COL6A3: variants seen among roughly 807,000 people sequenced by gnomAD.
COL6A3 encodes the protein collagen alpha-3(VI) chain.
Under a neutral mutation model 274.1 loss-of-function variants are expected in COL6A3, and 137 were observed. The ratio of observed to expected loss-of-function variants is 0.50; its 90% CI spans 0.44 to 0.58. The LOEUF is 0.58. COL6A3 is among the 20% of genes least tolerant of loss of function. The pLI is 0.00. For missense variants in COL6A3, 3,950 were observed against 4,124.9 expected, an observed-to-expected ratio of 0.96 and a Z score of 1.16; for synonymous variants, 1,650 against 1,650.6, an observed-to-expected ratio of 1.00 and a Z score of 0.01.
Position 237,394,622 on chromosome 2 carries a change from C to A in COL6A3, c.674G>T (p.Arg225Met). 1.2e-6 allele frequency: 2 copies of A among 1,614,164 alleles called. No homozygotes were observed. The highest frequency in any genetic ancestry group is 2.2e-5 in the South Asian group (2 of 91,080). Residue 225 changes from arginine (R) to methionine (M), a missense_variant, in exon 3 of 44, where the codon AGG (arginine) becomes ATG (methionine). Physicochemically the swap from Arg to Met is moderately conservative, Grantham distance 91. Around this residue, in one of 5 missense-constraint regions of COL6A3, gnomAD observed 1,934 missense variants for 1,984.3 expected, o/e 0.97. Coordinates refer to ENST00000295550, the MANE Select transcript of COL6A3 (RefSeq NM_004369.4). The part of the protein sequence containing the change: ...SCVHSSVSPE[R>M]AGDTETLKDI... ...TTTAAGGGTTTCCGTGTCCCCAGCC[C>A]TTTCTGGACTCACGGATGAATGCAC...
chr2:237,396,383 T>G (rs920668332), intron 2 of COL6A3, among the ~76,000 whole-genome samples: 3 of 152,212 alleles, frequency 2.0e-5, no homozygotes, highest in Non-Finnish European at 2.9e-5. Flanking sequence ...CTACTTTATG[T>G]GCTCAGAGAC....
intron 1 of COL6A3, among the ~76,000 whole-genome samples, chr2:237,397,118 G>A (rs1323575484): frequency 6.6e-6 from 1 of 150,782 alleles, no homozygotes; most frequent in Non-Finnish European, 1.5e-5. Context: ...AGGAAGGAGG[G>A]AGGGAGGGAA....
chr2:237,413,291 T>C lies in COL6A3; in HGVS notation c.-31+662A>G, dbSNP rs2078901771. Among the ~76,000 whole-genome samples the C allele has an allele frequency of 6.6e-6, 1 of 152,152 alleles. No individual in the cohort carries two copies. Among genetic ancestry groups the C allele is most frequent in the Non-Finnish European group, 1.5e-5 (1 of 68,018 alleles). On this transcript the variant is annotated intron_variant, in intron 1 of 43. Coordinates refer to ENST00000295550, the MANE Select transcript of COL6A3 (RefSeq NM_004369.4). This position sits in a 1 kb window ranked among gnomAD's most constrained non-coding sequence, Gnocchi z 4.0. Reference sequence around the variant, plus strand: ...CTTCTTCTCCTCTGACCCCTGCAACTCCTTTAAGCAACCCCAAGGGACAAA... The same window carrying C: ...CTTCTTCTCCTCTGACCCCTGCAACCCCTTTAAGCAACCCCAAGGGACAAA...
rs550705881 is a variant in COL6A3 at position 237,353,260 on chromosome 2, C to T, written c.6690+81G>A. The T allele has an allele frequency of 2.9e-5, 40 of 1,384,686 alleles. No individual in the cohort carries two copies. In the Middle Eastern group the frequency reaches 7.1e-4, roughly 25 times the overall value. The allele number at this position is 1,384,686 out of a possible 1,614,324, so 85.8% of individuals were successfully genotyped here. ...GTTCACTTTAAAATGGTTAACTTTC[C>T]GGATATAAATGCCACCCAATCATTT... On this transcript the variant is annotated intron_variant, in intron 25 of 43. Transcript: ENST00000295550.
intron 4 of COL6A3, among the ~76,000 whole-genome samples, chr2:237,384,946 T>C (rs1447789589): frequency 6.6e-6 from 1 of 152,160 alleles, no homozygotes; most frequent in African/African-American, 2.4e-5. Flanking sequence ...CTGACAGTTC[T>C]GGGAAGGGAC....
In COL6A3 at chr2:237,367,264, C is replaced by T; in HGVS notation, c.4923G>A (p.Val1641=). Residue 1641 remains valine, a synonymous_variant, in exon 11 of 44, where the codon GTG becomes GTA. Coordinates refer to ENST00000295550, the MANE Select transcript of COL6A3 (RefSeq NM_004369.4). ...SRPEKKKADI[V]FLLDGSINFR... is the part of the protein sequence containing the mutation. ...AGTTGATGGAACCATCCAACAGGAA[C>T]ACAATGTCTGCTTTCTTCTTCTCTA... 1 of 1,613,620 alleles carries T rather than the reference C, an allele frequency of 6.2e-7. No homozygotes were observed. Among genetic ancestry groups the T allele is most frequent in the African/African-American group, 1.3e-5 (1 of 74,992 alleles).
intron 42 of COL6A3, among the ~76,000 whole-genome samples, chr2:237,332,499 C>T (rs1394254533): frequency 6.6e-6 from 1 of 152,108 alleles, no homozygotes; most frequent in Non-Finnish European, 1.5e-5. Context: ...GCTCAAGCAC[C>T]ATGGTGGGGT....
chr2:237,342,353 T>C, intron 36 of COL6A3, 192 bp from the exon 37 acceptor site: 1 of 614,360 alleles, frequency 1.6e-6, no homozygotes. Flanking sequence ...GGTTTTATTC[T>C]ACTAGGGTGA....
At chr2:237,363,018 C>T (rs1049732851) in intron 14 of COL6A3, among the ~76,000 whole-genome samples, 3 of 152,134 alleles carry the variant, frequency 2.0e-5, no homozygotes, top group South Asian at 2.1e-4. Flanking sequence ...AACCTCAGCG[C>T]GCCCAGGATC....
At chr2:237,369,886 G>A (rs2077645215) in intron 9 of COL6A3, among the ~76,000 whole-genome samples, 1 of 149,976 alleles carries the variant, frequency 6.7e-6, no homozygotes, top group South Asian at 2.1e-4. Flanking sequence ...CTCCCAGGCT[G>A]GAGTGCAGTT....
chr2:237,360,745 C>T (rs527852358), intron 16 of COL6A3, among the ~76,000 whole-genome samples: 72 of 152,300 alleles, frequency 4.7e-4, no homozygotes, highest in Non-Finnish European at 8.5e-4. Context: ...CTACCCTTAA[C>T]GGGGTAACCC....
At position 237,407,033 on chromosome 2, in the gene COL6A3, C is replaced by T. The variant is rs1321088093; in HGVS notation, c.-31+6920G>A. ...CAAGCAATCCTCCCACCTCAGCCTC[C>T]CAAGTAGCTAGGACTACAGGTGTGC... On this transcript the variant is annotated intron_variant, in intron 1 of 43. Coordinates refer to ENST00000295550, the MANE Select transcript of COL6A3 (RefSeq NM_004369.4). The surrounding 1 kb of genome is among the most constrained non-coding windows in gnomAD (Gnocchi z 4.3). 6.6e-6 allele frequency among the ~76,000 whole-genome samples: 1 copy of T among 151,684 alleles called. No homozygotes were observed. The highest frequency in any genetic ancestry group is 2.4e-5 in the African/African-American group (1 of 41,254).
intron 42 of COL6A3, chr2:237,328,435 T>C (rs1026272929): frequency 6.6e-6 from 1 of 152,210 alleles, no homozygotes; most frequent in African/African-American, 2.4e-5. Flanking sequence ...GTAATAATGA[T>C]GTGCAGGAGT....
chr2:237,377,172 A>C lies in COL6A3; in HGVS notation c.2670T>G (p.Phe890Leu). Reference protein sequence around the residue: ...YSDDVKVESRFDEHQSKPEIL... With the variant: ...YSDDVKVESRLDEHQSKPEIL... The stretch of plus-strand genomic sequence containing the variant: ...TCTCAGGCTTACTCTGGTGCTCATC[A>C]AAACGGGACTCCACCTTGACATCAT... Residue 890 changes from phenylalanine (F) to leucine (L), a missense_variant, in exon 7 of 44, where the codon TTT becomes TTG. Phe to Leu is a conservative substitution (Grantham distance 22, BLOSUM62 0). Around this residue, in one of 5 missense-constraint regions of COL6A3, gnomAD observed 1,934 missense variants for 1,984.3 expected, o/e 0.97. Transcript: ENST00000295550. 6.2e-7 allele frequency: 1 copy of C among 1,614,190 alleles called. No homozygotes were observed. The highest frequency in any genetic ancestry group is 1.1e-5 in the South Asian group (1 of 91,080).
intron 28 of COL6A3, among the ~76,000 whole-genome samples, chr2:237,348,918 G>C (rs142259054): frequency 3.9e-5 from 6 of 152,272 alleles, no homozygotes; most frequent in African/African-American, 1.4e-4. Flanking sequence ...AAGAACTGCT[G>C]GTTGCTTTTG....
chr2:237,341,647 T>C (rs2076992575), intron 37 of COL6A3, among the ~76,000 whole-genome samples: 2 of 151,928 alleles, frequency 1.3e-5, no homozygotes, highest in African/African-American at 4.8e-5. Context: ...ACCTAATACT[T>C]AGTAGATGAA....
At position 237,368,780 on chromosome 2, in the gene COL6A3, C is replaced by T. The variant is rs113074898; in HGVS notation, c.4683G>A (p.Gln1561=). 6.4e-4 allele frequency: 1,030 copies of T among 1,614,222 alleles called. 6 individuals carry two copies. In the African/African-American group the frequency reaches 0.012, roughly 19 times the overall value. ...TCACAATGCCCGAGGAACGGATCAC[C>T]TGGGCGAACCTGGACACATCGTCCT... is the stretch of plus-strand genomic sequence containing the variant. The part of the protein sequence containing the change: ...KSQDDVSRFA[Q]VIRSSGIVSL... The change falls in exon 10 of 44, where the codon CAG becomes CAA. Residue 1561 remains glutamine (Q), a synonymous_variant. Coordinates refer to ENST00000295550, the MANE Select transcript of COL6A3 (RefSeq NM_004369.4). This position sits in a 1 kb window ranked among gnomAD's most constrained non-coding sequence, Gnocchi z 4.4.
chr2:237,355,175 ATCACCCAATGGAAGTTTTGAGAAT>A (rs1264137508), intron 23 of COL6A3: 11 of 496,296 alleles, frequency 2.2e-5, no homozygotes, highest in Non-Finnish European at 3.6e-5. Context: ...GCTCCTGTTA[ATCACCCAATGGAAGTTTTGAGAAT>A]TACTGCAGAC....
At chr2:237,331,844 G>T (rs1700244082) in intron 42 of COL6A3, among the ~76,000 whole-genome samples, 1 of 151,102 alleles carries the variant, frequency 6.6e-6, no homozygotes, top group Admixed American at 6.6e-5. Flanking sequence ...TTCACATCCT[G>T]GGTCTGAGGG....
Sources: gnomAD v4.1 joint callset for allele counts (sites outside exome capture counted in the v4.1 genomes callset) on GRCh38, gnomAD v4.1.1 for gene constraint, gnomAD v4.1.1 regional missense constraint, Gnocchi (gnomAD v3.1) non-coding constraint, MANE v1.5 for transcripts, NCBI Gene and HGNC (gene_info 2026-07-23, HGNC 2026-07-21) for gene names.